The following PTPRG variants were observed in gnomAD, a reference collection of about 807,000 sequenced individuals.
PTPRG encodes protein tyrosine phosphatase receptor type G, also known as receptor-type tyrosine-protein phosphatase gamma.
In PTPRG, 102 loss-of-function variants were observed where a neutral mutation model predicts 165.3. That is an observed-to-expected ratio of 0.62 (90% CI 0.53 to 0.73). The LOEUF is 0.73. Among genes scored for constraint, PTPRG ranks in the 30% least tolerant of loss-of-function variants. The pLI, the probability that PTPRG is intolerant of heterozygous loss-of-function variation, is 0.00. For missense variants in PTPRG, 1,866 were observed against 1,861.4 expected (o/e 1.00, Z -0.05); for synonymous variants, 675 against 669.5 (o/e 1.01, Z -0.13).
At chr3:61,656,365 G>A (rs1243672938) in intron 1 of PTPRG, among the ~76,000 whole-genome samples, 1 of 152,122 alleles carries the variant, frequency 6.6e-6, no homozygotes, top group East Asian at 1.9e-4. Flanking sequence ...AATTTAGTAG[G>A]GAAATGCCTC....
At position 62,237,420 on chromosome 3, in the gene PTPRG, A is replaced by G. The variant is rs1701058586; in HGVS notation, c.2375+6109A>G. 1.3e-5 allele frequency among the ~76,000 whole-genome samples: 2 copies of G among 152,202 alleles called. No individual in the cohort carries two copies. Among genetic ancestry groups the G allele is most frequent in the African/African-American group, 4.8e-5 (2 of 41,448 alleles). ...GGGCGTGTGTGTGTTTCATTAGTCA[A>G]GAAGGCCAATTAAACATACTGGAAC... On this transcript the variant is annotated intron_variant, in intron 14 of 29. Transcript: ENST00000474889. This position sits in a 1 kb window ranked among gnomAD's most constrained non-coding sequence, Gnocchi z 4.5.
chr3:61,569,950 A>T (rs1700017411), intron 1 of PTPRG, among the ~76,000 whole-genome samples: 1 of 152,210 alleles, frequency 6.6e-6, no homozygotes, highest in Non-Finnish European at 1.5e-5. Flanking sequence ...TGGGCTTAAA[A>T]TGTGTCTCAT....
intron 4 of PTPRG, among the ~76,000 whole-genome samples, chr3:62,037,307 C>G (rs1014710255): frequency 1.3e-5 from 2 of 152,144 alleles, no homozygotes; most frequent in Admixed American, 1.3e-4. Flanking sequence ...GAACTTGTCT[C>G]TTGATGTCAT....
At chr3:61,734,595 G>A (rs1490375914) in intron 1 of PTPRG, among the ~76,000 whole-genome samples, 1 of 152,098 alleles carries the variant, frequency 6.6e-6, no homozygotes, top group Admixed American at 6.5e-5. Flanking sequence ...CTGCATATGC[G>A]ATGTCTTTCT....
At chr3:62,018,828 G>A (rs1012952018) in intron 4 of PTPRG, among the ~76,000 whole-genome samples, 8 of 152,186 alleles carry the variant, frequency 5.3e-5, no homozygotes, top group South Asian at 2.1e-4. Flanking sequence ...CAGTGTATGG[G>A]TTGGGAGAGG....
chr3:61,978,004 A>G (rs1301797901), intron 2 of PTPRG, among the ~76,000 whole-genome samples: 1 of 152,224 alleles, frequency 6.6e-6, no homozygotes, highest in Admixed American at 6.5e-5. Flanking sequence ...GGCACCTGCC[A>G]CCACACTCAA....
intron 2 of PTPRG, among the ~76,000 whole-genome samples, chr3:61,888,398 A>G (rs537102744): frequency 2.2e-4 from 34 of 151,770 alleles, no homozygotes; most frequent in African/African-American, 7.3e-4. Context: ...CAGTGGTGCA[A>G]TCTAGGCTCA....
chr3:61,770,765 A>G (rs1392439482), intron 2 of PTPRG: 7 of 152,206 alleles, frequency 4.6e-5, no homozygotes, highest in Non-Finnish European at 1.0e-4. Flanking sequence ...TTTCAAATTC[A>G]TATTTTAATA....
chr3:62,092,792 T>A (rs1701986618), intron 5 of PTPRG, among the ~76,000 whole-genome samples: 1 of 152,186 alleles, frequency 6.6e-6, no homozygotes. Flanking sequence ...ATACTAGCTC[T>A]CATTATAATT....
At chr3:61,909,387 T>C (rs1348448332) in intron 2 of PTPRG, among the ~76,000 whole-genome samples, 1 of 152,176 alleles carries the variant, frequency 6.6e-6, no homozygotes, top group African/African-American at 2.4e-5. Flanking sequence ...TCTCACTCTG[T>C]TTCCCAGGTT....
intron 5 of PTPRG, among the ~76,000 whole-genome samples, chr3:62,080,541 C>T (rs1056408031): frequency 2.0e-5 from 3 of 152,250 alleles, no homozygotes; most frequent in African/African-American, 2.4e-5. Context: ...GTGGCCCTGC[C>T]GTCAGATGCA....
intron 2 of PTPRG, among the ~76,000 whole-genome samples, chr3:61,822,920 G>A (rs2035995597): frequency 6.6e-6 from 1 of 152,156 alleles, no homozygotes; most frequent in African/African-American, 2.4e-5. Context: ...CATGGCCGAT[G>A]GTGACTTGAA....
At chr3:61,816,857 T>A (rs62243180) in intron 2 of PTPRG, among the ~76,000 whole-genome samples, 36,086 of 150,350 alleles carry the variant, frequency 0.24, 4,503 homozygotes, top group East Asian at 0.36. Flanking sequence ...GAGAAAAGTT[T>A]CAGTTGAAAA....
At chr3:62,065,929 T>G (rs1276041645) in intron 4 of PTPRG, among the ~76,000 whole-genome samples, 4 of 152,250 alleles carry the variant, frequency 2.6e-5, no homozygotes, top group Admixed American at 1.3e-4. Flanking sequence ...CAGAAGCGTT[T>G]GGAAGCCTTT....
chr3:61,565,053 T>C (rs1699873907), intron 1 of PTPRG, among the ~76,000 whole-genome samples: 1 of 152,240 alleles, frequency 6.6e-6, no homozygotes, highest in Non-Finnish European at 1.5e-5. Flanking sequence ...TTTTATTTAG[T>C]ATTTTTGTGT....
intron 1 of PTPRG, among the ~76,000 whole-genome samples, chr3:61,703,477 C>A (rs772440096): frequency 6.6e-6 from 1 of 152,070 alleles, no homozygotes; most frequent in Non-Finnish European, 1.5e-5. Context: ...GTGGAGTGAT[C>A]CAGATTTGGA....
chr3:61,585,712 A>C (rs1700419401), intron 1 of PTPRG, among the ~76,000 whole-genome samples: 1 of 152,214 alleles, frequency 6.6e-6, no homozygotes, highest in Non-Finnish European at 1.5e-5. Context: ...GTGCCACCAC[A>C]CTCCAGCCTG....
intron 2 of PTPRG, among the ~76,000 whole-genome samples, chr3:61,846,748 C>G (rs904248716): frequency 1.3e-5 from 2 of 152,148 alleles, no homozygotes; most frequent in South Asian, 2.1e-4. Context: ...AACCCCGTCT[C>G]TACTAAAAAT....
intron 2 of PTPRG, among the ~76,000 whole-genome samples, chr3:61,951,272 G>A (rs964160160): frequency 6.6e-6 from 1 of 152,312 alleles, no homozygotes; most frequent in Non-Finnish European, 1.5e-5. Flanking sequence ...GTTTTCTGCT[G>A]AAACTATTTA....
Sources: allele counts gnomAD v4.1 joint callset (sites outside exome capture counted in the v4.1 genomes callset), GRCh38; gene constraint gnomAD v4.1.1; non-coding constraint Gnocchi (gnomAD v3.1); transcripts MANE v1.5; gene names NCBI Gene and HGNC (gene_info 2026-07-23, HGNC 2026-07-21).